The following LRP1B variants were observed in gnomAD, a reference collection of about 807,000 sequenced individuals.
LRP1B encodes LDL receptor related protein 1B.
A neutral mutation model predicts 556.6 loss-of-function variants in LRP1B; 217 were observed. That is an observed-to-expected ratio of 0.39 (90% CI 0.35 to 0.44). The LOEUF (loss-of-function observed/expected upper bound fraction) is 0.44. Ranked by LOEUF, LRP1B falls within the 20% of genes least tolerant of loss-of-function variation. The pLI is 1.00. For missense variants in LRP1B, 5,053 were observed against 5,620.8 expected, an observed-to-expected ratio of 0.90 and a Z score of 3.23; for synonymous variants, 2,047 against 1,865.8, an observed-to-expected ratio of 1.10 and a Z score of -2.50.
At chr2:142,116,147 C>G (rs1230032173) in intron 1 of LRP1B, among the ~76,000 whole-genome samples, 1 of 131,778 alleles carries the variant, frequency 7.6e-6, no homozygotes, top group African/African-American at 3.0e-5. Flanking sequence ...GAGCTGAGAC[C>G]GCAACACTGA....
At chr2:140,746,466 AT>A (rs1444673413) in intron 35 of LRP1B, among the ~76,000 whole-genome samples, 4 of 152,064 alleles carry the variant, frequency 2.6e-5, no homozygotes, top group Non-Finnish European at 5.9e-5. Context: ...TAATTGTTTT[AT>A]TTTGCTACTC....
intron 1 of LRP1B, among the ~76,000 whole-genome samples, chr2:141,881,227 G>T (rs895466598): frequency 6.6e-6 from 1 of 152,006 alleles, no homozygotes; most frequent in African/African-American, 2.4e-5. Context: ...TGAGAGAAGG[G>T]GAAGAAAAGT....
In LRP1B at chr2:141,599,059, C is replaced by A. The variant is rs148069458; in HGVS notation, c.206-118526G>T. Among the ~76,000 whole-genome samples the A allele has an allele frequency of 2.5e-5, 2 of 79,206 alleles. 1 individual carries two copies. Among genetic ancestry groups the A allele is most frequent in the Non-Finnish European group, 5.1e-5 (2 of 39,214 alleles). The allele number at this position is 79,206 out of a possible 152,430, so 52.0% of individuals were successfully genotyped here. A position where few individuals can be genotyped will look rare whatever the true frequency, so the allele number is the denominator to read the frequency against. ...TTTTGTTCAACTCCCCCCCGCCCCC[C>A]CCCCCCCCCCCCCCCGCTTTAACTC... is the stretch of plus-strand genomic sequence containing the variant. On this transcript the variant is annotated intron_variant, in intron 2 of 90. Transcript: ENST00000389484.
chr2:140,845,099 CT>C (rs904095382), intron 29 of LRP1B, among the ~76,000 whole-genome samples: 3 of 152,094 alleles, frequency 2.0e-5, no homozygotes, highest in Non-Finnish European at 2.9e-5. Context: ...AAAAACAAAA[CT>C]TTTTTTCTGT....
chr2:141,805,639 A>G (rs1242694387), intron 2 of LRP1B: 1 of 152,134 alleles, frequency 6.6e-6, no homozygotes, highest in Non-Finnish European at 1.5e-5. Context: ...ACTACAACAA[A>G]GATTTGGCAA....
chr2:141,935,924 A>G (rs949890006), intron 1 of LRP1B, among the ~76,000 whole-genome samples: 2 of 152,216 alleles, frequency 1.3e-5, no homozygotes, highest in African/African-American at 4.8e-5. Context: ...GTCTCTTAAA[A>G]AGTAATTAAT....
chr2:141,902,363 A>C (rs1310123909), intron 1 of LRP1B, among the ~76,000 whole-genome samples: 1 of 151,922 alleles, frequency 6.6e-6, no homozygotes, highest in Non-Finnish European at 1.5e-5. Flanking sequence ...CATGTATATA[A>C]GTGGTTAGAA....
Position 140,447,723 on chromosome 2 carries a change from A to G in LRP1B, c.10057+2845T>C, listed in dbSNP as rs1417926925. ...TGATACAAGAAGCATAGCTTTTGGTATATCTTGTGTTTTGAGATGCCTTTC... is the reference window on the plus strand; with the variant it reads ...TGATACAAGAAGCATAGCTTTTGGTGTATCTTGTGTTTTGAGATGCCTTTC... On this transcript the variant is annotated intron_variant, in intron 63 of 90. Coordinates refer to ENST00000389484, the MANE Select transcript of LRP1B (RefSeq NM_018557.3). Among the ~76,000 whole-genome samples, 3 of 152,136 alleles carry G rather than the reference A, an allele frequency of 2.0e-5. No individual in the cohort carries two copies. In the East Asian group the frequency reaches 5.8e-4, roughly 29 times the overall value.
intron 1 of LRP1B, among the ~76,000 whole-genome samples, chr2:142,102,554 AAAAAAAT>A (rs1202794443): frequency 8.8e-6 from 1 of 114,212 alleles, no homozygotes; most frequent in Non-Finnish European, 2.0e-5. Flanking sequence ...AAAATAAAAT[AAAAAAAT>A]AAAAAAGTAA....
chr2:140,894,488 C>A (rs1017831058), intron 23 of LRP1B, among the ~76,000 whole-genome samples: 10 of 151,218 alleles, frequency 6.6e-5, no homozygotes, highest in Non-Finnish European at 1.0e-4. Flanking sequence ...CAGCAAGGAA[C>A]TGAAAAAATC....
chr2:141,145,168 T>C (rs1216101766), intron 7 of LRP1B, among the ~76,000 whole-genome samples: 1 of 152,230 alleles, frequency 6.6e-6, no homozygotes, highest in Non-Finnish European at 1.5e-5. Context: ...TGAATGTTAA[T>C]AATGCCTGTC....
chr2:141,461,705 T>C (rs1430555796), intron 3 of LRP1B, among the ~76,000 whole-genome samples: 2 of 152,202 alleles, frequency 1.3e-5, no homozygotes, highest in African/African-American at 4.8e-5. Context: ...GTAGCATAAA[T>C]GTACAATTCT....
chr2:141,176,397 A>G (rs897107278), intron 7 of LRP1B, among the ~76,000 whole-genome samples: 1 of 152,012 alleles, frequency 6.6e-6, no homozygotes, highest in African/African-American at 2.4e-5. Flanking sequence ...TGTTCTCATG[A>G]TAGTGAGTAA....
chr2:141,921,674 T>C (rs1309259563), intron 1 of LRP1B, among the ~76,000 whole-genome samples: 1 of 152,066 alleles, frequency 6.6e-6, no homozygotes. Context: ...TTTTTAAACA[T>C]CTTTTACCCT....
intron 41 of LRP1B, among the ~76,000 whole-genome samples, chr2:140,675,085 T>C (rs1033435614): frequency 3.7e-4 from 56 of 152,184 alleles, no homozygotes; most frequent in Admixed American, 1.2e-3. Context: ...TCATATCACC[T>C]TTTCTCACTG....
chr2:140,840,830 C>T (rs1692079219), intron 30 of LRP1B, 88 bp downstream of exon 30: 2 of 964,856 alleles, frequency 2.1e-6, no homozygotes, highest in South Asian at 3.7e-5. Context: ...ATATATATAT[C>T]CTCTGAATTA....
intron 2 of LRP1B, among the ~76,000 whole-genome samples, chr2:141,591,431 G>C (rs972810148): frequency 3.3e-5 from 5 of 149,264 alleles, no homozygotes; most frequent in Admixed American, 1.3e-4. Flanking sequence ...AAAAAAAATC[G>C]ATTAAAATGT....
intron 60 of LRP1B, among the ~76,000 whole-genome samples, chr2:140,459,393 T>C (rs966869767): frequency 3.3e-5 from 5 of 152,120 alleles, no homozygotes; most frequent in Non-Finnish European, 5.9e-5. Context: ...CCTCAAAATA[T>C]TTAATGTGAA....
At chr2:140,376,869 T>C (rs567673330) in intron 68 of LRP1B, among the ~76,000 whole-genome samples, 2 of 152,080 alleles carry the variant, frequency 1.3e-5, no homozygotes, top group African/African-American at 2.4e-5. Flanking sequence ...CTGTAGTATC[T>C]CCCACAGAGG....
Sources: gnomAD v4.1 joint callset for allele counts (sites outside exome capture counted in the v4.1 genomes callset) on GRCh38, gnomAD v4.1.1 for gene constraint, MANE v1.5 for transcripts, NCBI Gene and HGNC (gene_info 2026-07-23, HGNC 2026-07-21) for gene names.